Variants in MED12L observed in about 807,000 individuals in gnomAD.
MED12L encodes mediator of RNA polymerase II transcription subunit 12-like protein.
A neutral mutation model predicts 281.3 loss-of-function variants in MED12L; 60 were observed. The observed-to-expected ratio is 0.21, with a 90% CI of 0.17 to 0.26. The LOEUF is 0.26. Ranked by LOEUF, MED12L falls within the 10% of genes least tolerant of loss-of-function variation. The pLI is 1.00. For missense variants in MED12L, 2,146 were observed against 2,680.9 expected (o/e 0.80, Z 4.41); for synonymous variants, 974 against 987.2 (o/e 0.99, Z 0.25).
chr3:151,120,668 G>A (rs1009928091), intron 3 of MED12L, among the ~76,000 whole-genome samples: 18 of 152,168 alleles, frequency 1.2e-4, no homozygotes, highest in Admixed American at 3.9e-4. Context: ...TCCACATAAG[G>A]AAACAATGGA....
intron 16 of MED12L, among the ~76,000 whole-genome samples, chr3:151,229,305 CTT>C (rs35097589): frequency 0.12 from 13,247 of 112,080 alleles, 592 homozygotes; most frequent in Middle Eastern, 0.17. Context: ...TTCAGCAATT[CTT>C]TTTTTTTTTT....
At chr3:151,325,084 T>C (rs534847523) in intron 16 of MED12L, among the ~76,000 whole-genome samples, 1 of 152,218 alleles carries the variant, frequency 6.6e-6, no homozygotes, top group Non-Finnish European at 1.5e-5. Context: ...AGGCAAAAGC[T>C]TTTAAATGGA....
At chr3:151,291,265 A>AC (rs1229837354) in intron 16 of MED12L, among the ~76,000 whole-genome samples, 1 of 151,576 alleles carries the variant, frequency 6.6e-6, no homozygotes, top group Admixed American at 6.6e-5. Flanking sequence ...ATGTGTGCAC[A>AC]CACACAAAAT....
intron 2 of MED12L, among the ~76,000 whole-genome samples, chr3:151,116,012 C>T (rs1047852391): frequency 2.8e-5 from 4 of 141,046 alleles, no homozygotes; most frequent in African/African-American, 1.1e-4. Flanking sequence ...TGCAGTAAGC[C>T]GAGATTGCGC....
At chr3:151,284,095 T>C (rs1046017309) in intron 16 of MED12L, among the ~76,000 whole-genome samples, 1 of 152,232 alleles carries the variant, frequency 6.6e-6, no homozygotes, top group Non-Finnish European at 1.5e-5. Flanking sequence ...TACTTCGTTT[T>C]TGTCAGATAA....
In MED12L at chr3:151,188,467, G is replaced by A. The variant is rs768340187; in HGVS notation, c.1740G>A (p.Gln580=). 62 of 1,612,250 alleles carry A rather than the reference G, an allele frequency of 3.8e-5. No homozygotes were observed. Among genetic ancestry groups the A allele is most frequent in the Non-Finnish European group, 5.0e-5 (59 of 1,179,046 alleles). The change falls in exon 13 of 45, where the codon CAG becomes CAA. Residue 580 remains glutamine (Q), a synonymous_variant. Transcript: ENST00000687756. The stretch of plus-strand genomic sequence containing the variant: ...TGCTGTTAAGGTTTTTAGATACACA[G>A]GCCCCCTCTTTGTGTAAGTAGAGAA... ...QNVLLRFLDT[Q]APSLSDPNSE...
chr3:151,368,393 T>C (rs2107953238), intron 25 of MED12L, 142 bp downstream of exon 25: 1 of 692,534 alleles, frequency 1.4e-6, no homozygotes, highest in African/African-American at 1.8e-5. Flanking sequence ...GAGATGATAC[T>C]ATTCATTGAG....
At chr3:151,281,999 C>G (rs967588198) in intron 16 of MED12L, among the ~76,000 whole-genome samples, 1 of 152,170 alleles carries the variant, frequency 6.6e-6, no homozygotes, top group African/African-American at 2.4e-5. Context: ...CTATTTTGCT[C>G]CTTACCCCGG....
chr3:151,210,013 A>G (rs888933593), intron 16 of MED12L, among the ~76,000 whole-genome samples: 8 of 152,320 alleles, frequency 5.3e-5, no homozygotes, highest in Middle Eastern at 3.4e-3. Context: ...GGTTTGTACC[A>G]TGTCTTCAGT....
chr3:151,323,412 A>C (rs1577330222), intron 16 of MED12L, among the ~76,000 whole-genome samples: 1 of 152,192 alleles, frequency 6.6e-6, no homozygotes, highest in Non-Finnish European at 1.5e-5. Flanking sequence ...TAGATGTCCC[A>C]GTACAGTGCT....
At chr3:151,243,525 A>C (rs1241438710) in intron 16 of MED12L, among the ~76,000 whole-genome samples, 1 of 152,196 alleles carries the variant, frequency 6.6e-6, no homozygotes, top group Non-Finnish European at 1.5e-5. Flanking sequence ...TAAGCTTCAT[A>C]AGCGAAGGAG....
At chr3:151,326,112 A>G (rs1317201374) in intron 16 of MED12L, among the ~76,000 whole-genome samples, 2 of 152,180 alleles carry the variant, frequency 1.3e-5, no homozygotes, top group African/African-American at 2.4e-5. Context: ...TGGCTATTCC[A>G]TGATCCTCCT....
intron 27 of MED12L, among the ~76,000 whole-genome samples, chr3:151,375,267 C>T (rs1756687927): frequency 6.6e-6 from 1 of 152,178 alleles, no homozygotes; most frequent in Non-Finnish European, 1.5e-5. Flanking sequence ...CAGCATTGAG[C>T]CACTGGTATG....
intron 2 of MED12L, among the ~76,000 whole-genome samples, chr3:151,106,999 T>C (rs1389910068): frequency 6.6e-6 from 1 of 152,186 alleles, no homozygotes; most frequent in African/African-American, 2.4e-5. Flanking sequence ...AATTGGAGTC[T>C]TAGTCCACGA....
At chr3:151,261,191 A>G (rs1577159652) in intron 16 of MED12L, among the ~76,000 whole-genome samples, 1 of 152,182 alleles carries the variant, frequency 6.6e-6, no homozygotes, top group Non-Finnish European at 1.5e-5. Context: ...GGAAATGCCC[A>G]TGAATGAGAC....
At chr3:151,282,070 T>A (rs1255248257) in intron 16 of MED12L, among the ~76,000 whole-genome samples, 1 of 152,228 alleles carries the variant, frequency 6.6e-6, no homozygotes, top group Non-Finnish European at 1.5e-5. Context: ...TTAAAGTAAG[T>A]ACAGAGACAA....
intron 5 of MED12L, among the ~76,000 whole-genome samples, chr3:151,147,881 TG>T: frequency 6.6e-6 from 1 of 152,388 alleles, no homozygotes; most frequent in Non-Finnish European, 1.5e-5. Context: ...CTAGTTCTCC[TG>T]GGTATGTATA....
chr3:151,363,130 A>G (rs542500518), intron 21 of MED12L, among the ~76,000 whole-genome samples: 2 of 152,212 alleles, frequency 1.3e-5, no homozygotes, highest in East Asian at 3.9e-4. Context: ...GTACCAGCAC[A>G]CAGTGAATAG....
At chr3:151,104,241 G>A (rs1163174290) in intron 2 of MED12L, among the ~76,000 whole-genome samples, 3 of 152,102 alleles carry the variant, frequency 2.0e-5, no homozygotes, top group Non-Finnish European at 4.4e-5. Flanking sequence ...GAAGGGTTGG[G>A]GCAGGAGAAG....
Sources: gnomAD v4.1 joint callset for allele counts (sites outside exome capture counted in the v4.1 genomes callset) on GRCh38, gnomAD v4.1.1 for gene constraint, MANE v1.5 for transcripts, NCBI Gene and HGNC (gene_info 2026-07-23, HGNC 2026-07-21) for gene names.